The following MYCBP2 variants were observed in gnomAD, a reference collection of about 807,000 sequenced individuals.
MYCBP2 encodes E3 ubiquitin-protein ligase MYCBP2.
A neutral mutation model predicts 525.3 loss-of-function variants in MYCBP2; 120 were observed. The observed-to-expected ratio is 0.23, with a 90% confidence interval of 0.20 to 0.27. MYCBP2 has a LOEUF of 0.27. MYCBP2 is among the 10% of genes least tolerant of loss of function. The pLI is 1.00. For missense variants in MYCBP2, 4,149 were observed against 5,657.1 expected (o/e 0.73, Z 8.55); for synonymous variants, 1,894 against 1,955.8 (o/e 0.97, Z 0.83).
intron 1 of MYCBP2, among the ~76,000 whole-genome samples, chr13:77,325,274 A>C (rs2082149426): frequency 6.6e-6 from 1 of 152,234 alleles, no homozygotes; most frequent in Non-Finnish European, 1.5e-5. Flanking sequence ...AATAAATTGC[A>C]CATTCAATAA....
At chr13:77,112,827 C>T (rs144077319) in intron 55 of MYCBP2, among the ~76,000 whole-genome samples, 1 of 152,142 alleles carries the variant, frequency 6.6e-6, no homozygotes, top group Non-Finnish European at 1.5e-5. Context: ...GAATTACTCT[C>T]ATTAGAAAAC....
chr13:77,228,259 G>A (rs1263719959), intron 18 of MYCBP2, among the ~76,000 whole-genome samples: 1 of 151,946 alleles, frequency 6.6e-6, no homozygotes, highest in East Asian at 1.9e-4. Flanking sequence ...TAATCTCAGG[G>A]CTTTGGGAGG....
At chr13:77,172,175 A>T (rs935409662) in intron 37 of MYCBP2, among the ~76,000 whole-genome samples, 1 of 151,226 alleles carries the variant, frequency 6.6e-6, no homozygotes, top group Non-Finnish European at 1.5e-5. Context: ...CTGGGATTAT[A>T]GGAGTGAGCC....
At chr13:77,068,288 G>C (rs541930111) in intron 70 of MYCBP2, among the ~76,000 whole-genome samples, 4 of 152,012 alleles carry the variant, frequency 2.6e-5, no homozygotes, top group African/African-American at 9.7e-5. Context: ...TTCTGGTCAG[G>C]GCTAAATGAC....
intron 82 of MYCBP2, among the ~76,000 whole-genome samples, chr13:77,047,748 C>T (rs1373438350): frequency 6.6e-6 from 1 of 152,146 alleles, no homozygotes; most frequent in African/African-American, 2.4e-5. Flanking sequence ...TTTGTATAGT[C>T]AGGGGGCTCT....
At chr13:77,104,612 G>T (rs1594576100) in intron 55 of MYCBP2, among the ~76,000 whole-genome samples, 1 of 152,218 alleles carries the variant, frequency 6.6e-6, no homozygotes, top group South Asian at 2.1e-4. Flanking sequence ...AAGGAGACTA[G>T]AATTCAGCAG....
chr13:77,160,207 C>T (rs968867583), intron 44 of MYCBP2, among the ~76,000 whole-genome samples: 2 of 152,040 alleles, frequency 1.3e-5, no homozygotes, highest in African/African-American at 4.8e-5. Flanking sequence ...GCTGGGATTA[C>T]AGGCATGCGC....
At chr13:77,213,835 C>T (rs2064391676) in intron 21 of MYCBP2, among the ~76,000 whole-genome samples, 1 of 152,192 alleles carries the variant, frequency 6.6e-6, no homozygotes. Context: ...TGACTCAAAC[C>T]TTCAGCAGTG....
chr13:77,216,584 T>C (rs2064853558), intron 21 of MYCBP2, among the ~76,000 whole-genome samples: 1 of 152,192 alleles, frequency 6.6e-6, no homozygotes, highest in South Asian at 2.1e-4. Context: ...AAACACAACA[T>C]AACTTACAGA....
intron 55 of MYCBP2, among the ~76,000 whole-genome samples, chr13:77,108,489 T>TA (rs1483326023): frequency 1.3e-5 from 2 of 152,142 alleles, no homozygotes; most frequent in African/African-American, 2.4e-5. Context: ...CTTTTAAAAG[T>TA]AAAAATCTTA....
chr13:77,209,678 T>C (rs762956285), intron 23 of MYCBP2, among the ~76,000 whole-genome samples: 4 of 152,308 alleles, frequency 2.6e-5, no homozygotes, highest in Non-Finnish European at 4.4e-5. Context: ...TGTTATTTCA[T>C]CTACCCTGCA....
intron 55 of MYCBP2, among the ~76,000 whole-genome samples, chr13:77,111,277 A>G (rs2048771601): frequency 6.6e-6 from 1 of 152,150 alleles, no homozygotes; most frequent in Non-Finnish European, 1.5e-5. Flanking sequence ...GTTATATTAT[A>G]GCCAACTGGA....
At chr13:77,057,365 A>T (rs2038309324) in intron 78 of MYCBP2, among the ~76,000 whole-genome samples, 1 of 152,226 alleles carries the variant, frequency 6.6e-6, no homozygotes, top group South Asian at 2.1e-4. Context: ...AGGTTAGGAA[A>T]AAAAGTAAAA....
intron 1 of MYCBP2, among the ~76,000 whole-genome samples, chr13:77,311,625 C>T (rs1464559688): frequency 8.7e-6 from 1 of 114,688 alleles, no homozygotes; most frequent in Non-Finnish European, 1.8e-5. Flanking sequence ...GTGAAATAAA[C>T]AATACATAAA....
chr13:77,047,625 C>T (rs915908011), intron 82 of MYCBP2, among the ~76,000 whole-genome samples: 6 of 152,124 alleles, frequency 3.9e-5, no homozygotes, highest in South Asian at 2.1e-4. Context: ...CTGCAGGCAC[C>T]GATGAGGGAA....
chr13:77,091,549 C>G (rs968211300), intron 59 of MYCBP2, among the ~76,000 whole-genome samples: 4 of 152,042 alleles, frequency 2.6e-5, no homozygotes, highest in African/African-American at 9.7e-5. Context: ...CCTTGTTAGG[C>G]TGTCTTGCCT....
chr13:77,100,657 T>C (rs2046929742), intron 55 of MYCBP2, among the ~76,000 whole-genome samples: 1 of 152,066 alleles, frequency 6.6e-6, no homozygotes, highest in South Asian at 2.1e-4. Flanking sequence ...AAATGTTTAA[T>C]TGCAACATGC....
At chr13:77,258,504 T>C (rs752933201) in intron 13 of MYCBP2, among the ~76,000 whole-genome samples, 2 of 152,200 alleles carry the variant, frequency 1.3e-5, no homozygotes, top group African/African-American at 2.4e-5. Context: ...AATAAAAACA[T>C]GTTATCAAGT....
intron 72 of MYCBP2, among the ~76,000 whole-genome samples, chr13:77,065,368 T>C (rs902983536): frequency 6.6e-6 from 1 of 152,200 alleles, no homozygotes; most frequent in African/African-American, 2.4e-5. Context: ...CCACATGATT[T>C]AAGGGGCAGT....
Sources: allele counts gnomAD v4.1 joint callset (sites outside exome capture counted in the v4.1 genomes callset), GRCh38; gene constraint gnomAD v4.1.1; transcripts MANE v1.5; gene names NCBI Gene and HGNC (gene_info 2026-07-23, HGNC 2026-07-21).